Variants in TMCC1 observed in about 807,000 individuals in gnomAD.
TMCC1 encodes transmembrane and coiled-coil domain family 1.
TMCC1 carries 15 observed loss-of-function variants against 52.4 expected under a neutral mutation model. The ratio of observed to expected loss-of-function variants is 0.29; its 90% confidence interval spans 0.19 to 0.44. The LOEUF (loss-of-function observed/expected upper bound fraction) is 0.44, where lower values mean the gene tolerates loss of function less well. Among genes scored for constraint, TMCC1 ranks in the 20% least tolerant of loss-of-function variants. The pLI is 1.00. For missense variants in TMCC1, 503 were observed against 806.0 expected (o/e 0.62, Z 4.55); for synonymous variants, 279 against 301.9 (o/e 0.92, Z 0.79).
intron 4 of TMCC1, among the ~76,000 whole-genome samples, chr3:129,744,668 T>C (rs2107642286): frequency 6.6e-6 from 1 of 152,342 alleles, no homozygotes; most frequent in Admixed American, 6.5e-5. Flanking sequence ...TTTCCAATCA[T>C]ACATATTTAA....
At chr3:129,688,803 T>C (rs951644016) in intron 4 of TMCC1, 2 of 961,968 alleles carry the variant, frequency 2.1e-6, no homozygotes, top group Admixed American at 6.2e-5. Flanking sequence ...TGAGCATCTT[T>C]TATAAAAGAC....
intron 4 of TMCC1, 25 bp from the exon 5 acceptor site, chr3:129,671,289 G>A: frequency 1.9e-6 from 3 of 1,579,198 alleles, no homozygotes; most frequent in Non-Finnish European, 1.7e-6. Context: ...AGAGGTACAT[G>A]TTAGAAGCCC....
chr3:129,804,053 CTT>C (rs2057332422), intron 4 of TMCC1, among the ~76,000 whole-genome samples: 1 of 152,124 alleles, frequency 6.6e-6, no homozygotes, highest in Admixed American at 6.5e-5. Flanking sequence ...ACAAACAACT[CTT>C]CTCTTATAGA....
intron 4 of TMCC1, among the ~76,000 whole-genome samples, chr3:129,780,037 T>C (rs75111206): frequency 0.052 from 7,952 of 152,130 alleles, 738 homozygotes; most frequent in East Asian, 0.4. Flanking sequence ...GATCCCCTTT[T>C]TTCACTGTTA....
intron 6 of TMCC1, among the ~76,000 whole-genome samples, chr3:129,653,901 A>G (rs1292899928): frequency 6.6e-6 from 1 of 152,242 alleles, no homozygotes; most frequent in Non-Finnish European, 1.5e-5. Context: ...CATTAGTGAC[A>G]TAAAGTGCTA....
intron 2 of TMCC1, among the ~76,000 whole-genome samples, chr3:129,864,730 C>CA (rs1280895623): frequency 2.6e-5 from 4 of 152,174 alleles, no homozygotes; most frequent in African/African-American, 9.7e-5. Context: ...TGATGGGAGT[C>CA]AGATGCTGTC....
At chr3:129,745,117 T>A (rs895605715) in intron 4 of TMCC1, among the ~76,000 whole-genome samples, 5 of 152,184 alleles carry the variant, frequency 3.3e-5, no homozygotes, top group Non-Finnish European at 5.9e-5. Context: ...TAAATGAAAT[T>A]AAACTAGATT....
chr3:129,759,987 C>T (rs904114654), intron 4 of TMCC1, among the ~76,000 whole-genome samples: 2 of 151,846 alleles, frequency 1.3e-5, no homozygotes, highest in African/African-American at 4.8e-5. Context: ...TCCCAAAGTG[C>T]TAGGATTACA....
chr3:129,805,218 A>C (rs2057396878), intron 4 of TMCC1, among the ~76,000 whole-genome samples: 1 of 152,134 alleles, frequency 6.6e-6, no homozygotes, highest in Non-Finnish European at 1.5e-5. Context: ...GTTGGAGTAC[A>C]GTGATACAAT....
intron 4 of TMCC1, among the ~76,000 whole-genome samples, chr3:129,784,302 G>A (rs1398368488): frequency 6.6e-6 from 1 of 152,176 alleles, no homozygotes; most frequent in Non-Finnish European, 1.5e-5. Flanking sequence ...TAATAGGCTG[G>A]GCATGGTGGC....
intron 5 of TMCC1, among the ~76,000 whole-genome samples, chr3:129,665,021 T>C (rs1174825839): frequency 2.0e-5 from 3 of 152,204 alleles, no homozygotes; most frequent in African/African-American, 7.2e-5. Context: ...AAACATGGGA[T>C]GAAGAAACTA....
intron 4 of TMCC1, among the ~76,000 whole-genome samples, chr3:129,812,094 C>A (rs996526257): frequency 2.0e-5 from 3 of 152,012 alleles, no homozygotes; most frequent in African/African-American, 7.2e-5. Flanking sequence ...ATAATCCCAG[C>A]ACTTTGGGAG....
chr3:129,671,177 C>T lies in TMCC1; in HGVS notation c.664G>A (p.Asp222Asn). ...GTGCGCTGAGGGTCTGGTGTTCCAT[C>T]CACAGAGTCTGTGTGGATGCTGCCA... ...TDGSIHTDSV[D>N]GTPDPQRTKA... Residue 222 changes from aspartate (D) to asparagine (N), a missense_variant, in exon 5 of 7, where the codon GAT (aspartate) becomes AAT (asparagine). Physicochemically the swap from Asp to Asn is conservative, Grantham distance 23. Around this residue, in one of 7 missense-constraint regions of TMCC1, gnomAD observed 217 missense variants for 297.9 expected, o/e 0.73. Coordinates refer to ENST00000393238, the MANE Select transcript of TMCC1 (RefSeq NM_001017395.5). The T allele has an allele frequency of 6.2e-7, 1 of 1,614,158 alleles. No individual in the cohort carries two copies. Among genetic ancestry groups the T allele is most frequent in the Non-Finnish European group, 8.5e-7 (1 of 1,180,030 alleles).
chr3:129,878,211 G>A (rs539411538), intron 2 of TMCC1, among the ~76,000 whole-genome samples: 2 of 151,838 alleles, frequency 1.3e-5, no homozygotes, highest in East Asian at 1.9e-4. Flanking sequence ...TGATCTGCCC[G>A]CCTCGGCCTC....
rs2058777545 is a variant in TMCC1, at chr3:129,828,919, T to C, written c.-130-411A>G. Among the ~76,000 whole-genome samples, 1 of 152,164 alleles carries C rather than the reference T, an allele frequency of 6.6e-6. No individual in the cohort carries two copies. Among genetic ancestry groups the C allele is most frequent in the Non-Finnish European group, 1.5e-5 (1 of 68,036 alleles). ...AGCTGAGGCAATTTAATCCCTCTCA[T>C]TCATAACCACAGTTAATTATTCACA... On this transcript the variant is annotated intron_variant, in intron 3 of 6. Coordinates refer to ENST00000393238, the MANE Select transcript of TMCC1 (RefSeq NM_001017395.5). This position sits in a 1 kb window ranked among gnomAD's most constrained non-coding sequence, Gnocchi z 4.1.
rs143728738 is a variant in TMCC1 at position 129,891,664 on chromosome 3, T to C, written c.-435+1830A>G. Among the ~76,000 whole-genome samples, 7 of 152,312 alleles carry C rather than the reference T, an allele frequency of 4.6e-5. No homozygotes were observed. In the East Asian group the frequency reaches 1.3e-3, roughly 29 times the overall value. On this transcript the variant is annotated intron_variant, in intron 1 of 6. Coordinates refer to ENST00000393238, the MANE Select transcript of TMCC1 (RefSeq NM_001017395.5). The stretch of plus-strand genomic sequence containing the variant: ...ATTCCTCATTCCCATACATACAGAA[T>C]AAAGCTTAATTAGGGAAGAGGCCTT...
intron 4 of TMCC1, among the ~76,000 whole-genome samples, chr3:129,753,717 T>A (rs535499816): frequency 1.1e-4 from 17 of 152,274 alleles, no homozygotes; most frequent in African/African-American, 4.1e-4. Context: ...GAAGGGTATC[T>A]ATGAAAAACC....
chr3:129,659,754 T>C (rs2086901828), intron 5 of TMCC1, among the ~76,000 whole-genome samples: 1 of 152,232 alleles, frequency 6.6e-6, no homozygotes. Flanking sequence ...CCATCTTCAC[T>C]CCTGCCATTT....
chr3:129,838,867 G>A (rs1004500056), intron 2 of TMCC1, among the ~76,000 whole-genome samples: 4 of 151,156 alleles, frequency 2.6e-5, no homozygotes, highest in Non-Finnish European at 1.5e-5. Context: ...ACATACAGAG[G>A]AATAAAGATA....
Sources: allele counts gnomAD v4.1 joint callset (sites outside exome capture counted in the v4.1 genomes callset), GRCh38; gene constraint gnomAD v4.1.1; regional missense constraint gnomAD v4.1.1; non-coding constraint Gnocchi (gnomAD v3.1); transcripts MANE v1.5; gene names NCBI Gene and HGNC (gene_info 2026-07-23, HGNC 2026-07-21).